C19orf12: variants seen among roughly 807,000 people sequenced by gnomAD.
C19orf12 encodes chromosome 19 open reading frame 12, also known as protein C19orf12.
C19orf12 carries 2 observed loss-of-function variants against 3.8 expected under a neutral mutation model. The ratio of observed to expected loss-of-function variants is 0.53; its 90% CI spans 0.22 to 1.66. The LOEUF is 1.66. C19orf12 is among the 40% of genes most tolerant of loss of function. C19orf12 has a pLI of 0.20. For synonymous variants in C19orf12, 89 were observed against 84.6 expected (o/e 1.05, Z -0.28); for missense variants, 156 against 188.8 (o/e 0.83, Z 1.02).
intron 2 of C19orf12, among the ~76,000 whole-genome samples, chr19:29,706,205 T>G (rs1032383045): frequency 7.9e-5 from 12 of 152,188 alleles, no homozygotes; most frequent in African/African-American, 2.9e-4. Flanking sequence ...ATTTACAAGT[T>G]TTACTGAACT....
At position 29,700,508 on chromosome 19, in the gene C19orf12, T is replaced by C; in HGVS notation, c.*2204A>G. 2.2e-6 allele frequency: 1 copy of C among 454,154 alleles called. No homozygotes were observed. Among genetic ancestry groups the C allele is most frequent in the Non-Finnish European group, 4.4e-6 (1 of 226,788 alleles). 28.1% of individuals were successfully genotyped at this position (454,154 alleles called of 1,614,324 possible). A position where few individuals can be genotyped will look rare whatever the true frequency, so the allele number is the denominator to read the frequency against. On this transcript the variant is annotated 3_prime_UTR_variant, in exon 3 of 3. Coordinates refer to ENST00000323670, the MANE Select transcript of C19orf12 (RefSeq NM_031448.6). The stretch of plus-strand genomic sequence containing the variant: ...TCCATTTTTAGTTCCAGGGTCCGTA[T>C]GCAGGACTTATTTGCAGGAAGAGCA...
At chr19:29,705,033 G>C (rs1972298830) in intron 2 of C19orf12, among the ~76,000 whole-genome samples, 1 of 152,176 alleles carries the variant, frequency 6.6e-6, no homozygotes. Context: ...ACTTTCAACA[G>C]ACAGAGTATG....
rs1179720831 is a variant in C19orf12 at position 29,702,435 on chromosome 19, C to A, written c.*277G>T. On this transcript the variant is annotated 3_prime_UTR_variant, in exon 3 of 3. Coordinates refer to ENST00000323670, the MANE Select transcript of C19orf12 (RefSeq NM_031448.6). The stretch of plus-strand genomic sequence containing the variant: ...GAGGACTCAGCAGACGCCTCCGAAG[C>A]CTGCGGCAGGCAGGCCTTTACTCTT... 1 of 645,518 alleles carries A rather than the reference C, an allele frequency of 1.5e-6. No individual in the cohort carries two copies. Among genetic ancestry groups the A allele is most frequent in the South Asian group, 1.5e-5 (1 of 66,172 alleles). The allele number at this position is 645,518 out of a possible 1,614,324, so 40.0% of individuals were successfully genotyped here.
rs533445390 is a variant in C19orf12 at position 29,699,469 on chromosome 19, C to T, written c.*3243G>A. The T allele has an allele frequency of 9.5e-5, 39 of 409,124 alleles. No individual in the cohort carries two copies. The East Asian group carries it at 1.5e-3, about 16-fold the overall frequency. The allele number at this position is 409,124 out of a possible 1,614,324, so 25.3% of individuals were successfully genotyped here. On this transcript the variant is annotated 3_prime_UTR_variant, in exon 3 of 3. Transcript: ENST00000323670. ...CTGCACTCCAGCCCGGGCGACAGTGCGAGACTCCATCTCAAAAAAAAAAAA... is the reference window on the plus strand; with the variant it reads ...CTGCACTCCAGCCCGGGCGACAGTGTGAGACTCCATCTCAAAAAAAAAAAA...
chr19:29,702,664 A>T lies in C19orf12; in HGVS notation c.*48T>A. 6.2e-7 allele frequency: 1 copy of T among 1,611,264 alleles called. No individual in the cohort carries two copies. Among genetic ancestry groups the T allele is most frequent in the African/African-American group, 1.3e-5 (1 of 74,954 alleles). Reference sequence around the variant, plus strand: ...CCCAACTCCCAAGCCACCTCTTCAGAATCACAGAGTCATTTAAAGGGGCCC... The same window carrying T: ...CCCAACTCCCAAGCCACCTCTTCAGTATCACAGAGTCATTTAAAGGGGCCC... On this transcript the variant is annotated 3_prime_UTR_variant, in exon 3 of 3. Coordinates refer to ENST00000323670, the MANE Select transcript of C19orf12 (RefSeq NM_031448.6).
chr19:29,708,052 T>C (rs1972471719), intron 2 of C19orf12, among the ~76,000 whole-genome samples: 1 of 152,054 alleles, frequency 6.6e-6, no homozygotes, highest in Non-Finnish European at 1.5e-5. Context: ...CTATTTTTTG[T>C]ATTTTTAGTA....
At position 29,702,925 on chromosome 19, in the gene C19orf12, C is replaced by T; in HGVS notation, c.213G>A (p.Lys71=). The T allele has an allele frequency of 6.2e-7, 1 of 1,614,190 alleles. No individual in the cohort carries two copies. Among genetic ancestry groups the T allele is most frequent in the Non-Finnish European group, 8.5e-7 (1 of 1,180,022 alleles). The change falls in exon 3 of 3, where the codon AAG becomes AAA. Residue 71 remains lysine, a synonymous_variant. Coordinates refer to ENST00000323670, the MANE Select transcript of C19orf12 (RefSeq NM_031448.6). ...GCTCCATTAGGATCTGAGGAACCGG[C>T]TTAAACTGTCCACTTGTCATCCAGG... ...LGAWMTSGQF[K]PVPQILMELP...
chr19:29,702,142 G>A lies in C19orf12; in HGVS notation c.*570C>T. On this transcript the variant is annotated 3_prime_UTR_variant, in exon 3 of 3. Coordinates refer to ENST00000323670, the MANE Select transcript of C19orf12 (RefSeq NM_031448.6). ...GGGTCAAGTCCACTCGGTATTTGTG[G>A]CTTCACTCAGCAGGCCGCCCGTCCC... 2.2e-6 allele frequency: 1 copy of A among 453,312 alleles called. No individual in the cohort carries two copies. Among genetic ancestry groups the A allele is most frequent in the South Asian group, 1.6e-5 (1 of 64,432 alleles). The allele number at this position is 453,312 out of a possible 1,614,324, so 28.1% of individuals were successfully genotyped here.
intron 2 of C19orf12, among the ~76,000 whole-genome samples, chr19:29,707,826 G>A (rs1311574238): frequency 6.6e-6 from 1 of 150,870 alleles, no homozygotes; most frequent in Non-Finnish European, 1.5e-5. Flanking sequence ...GGCACCACTT[G>A]TACAAGTTCA....
intron 2 of C19orf12, chr19:29,705,525 T>TG (rs943308586): frequency 1.6e-3 from 419 of 259,212 alleles, no homozygotes; most frequent in East Asian, 9.1e-3. Flanking sequence ...TTTTTTTTTT[T>TG]CCTTAGACAG....
At chr19:29,709,115 C>G (rs1288129587) in intron 1 of C19orf12, among the ~76,000 whole-genome samples, 1 of 152,244 alleles carries the variant, frequency 6.6e-6, no homozygotes, top group Non-Finnish European at 1.5e-5. Flanking sequence ...AAAGTCAACA[C>G]AGTTGTACCC....
intron 2 of C19orf12, chr19:29,705,524 T>TC: frequency 3.8e-6 from 1 of 265,850 alleles, no homozygotes; most frequent in Non-Finnish European, 7.6e-6. Flanking sequence ...TTTTTTTTTT[T>TC]TCCTTAGACA....
chr19:29,715,726 C>G (rs1972921514), upstream of C19orf12: 1 of 157,608 alleles, frequency 6.3e-6, no homozygotes, highest in South Asian at 1.5e-4. Context: ...CAGATTTCCT[C>G]TGTTCCAGAG....
intron 2 of C19orf12, chr19:29,705,301 G>C: frequency 2.2e-6 from 1 of 445,016 alleles, no homozygotes; most frequent in Non-Finnish European, 4.5e-6. Flanking sequence ...AAACTATCAA[G>C]GCTGTGAACA....
chr19:29,708,611 T>C (rs898646566), intron 1 of C19orf12, 188 bp from the exon 2 acceptor site: 1 of 695,010 alleles, frequency 1.4e-6, no homozygotes, highest in Admixed American at 2.2e-5. Context: ...AGGCAGCAGT[T>C]AGTGAATAAG....
Position 29,703,069 on chromosome 19 carries a change from G to A in C19orf12, c.161-92C>T, listed in dbSNP as rs548664899. ...ACTGAGTGCACACCACCATCACCAT[G>A]AGCAGGCACATTCATGAGCGGGCTG... On this transcript the variant is annotated intron_variant, in intron 2 of 2. Coordinates refer to ENST00000323670, the MANE Select transcript of C19orf12 (RefSeq NM_031448.6). 1.8e-5 allele frequency: 28 copies of A among 1,554,950 alleles called. No homozygotes were observed. In the African/African-American group the frequency reaches 3.1e-4, roughly 17 times the overall value.
intron 1 of C19orf12, among the ~76,000 whole-genome samples, chr19:29,708,961 G>T (rs1972523090): frequency 6.6e-6 from 1 of 152,226 alleles, no homozygotes; most frequent in Admixed American, 6.5e-5. Context: ...AGTCCCTACA[G>T]GCTGGACTCT....
intron 2 of C19orf12, 48 bp from the exon 3 acceptor site, chr19:29,703,025 T>C: frequency 6.2e-7 from 1 of 1,612,758 alleles, no homozygotes; most frequent in Non-Finnish European, 8.5e-7. Context: ...TCATAAGCGA[T>C]GGCCTTACTT....
At chr19:29,709,240 G>A (rs1353963685) in intron 1 of C19orf12, among the ~76,000 whole-genome samples, 1 of 152,228 alleles carries the variant, frequency 6.6e-6, no homozygotes, top group African/African-American at 2.4e-5. Flanking sequence ...ACGGACGGGC[G>A]AGTAGACCTT....
Sources: allele counts gnomAD v4.1 joint callset (sites outside exome capture counted in the v4.1 genomes callset), GRCh38; gene constraint gnomAD v4.1.1; transcripts MANE v1.5; gene names NCBI Gene and HGNC (gene_info 2026-07-23, HGNC 2026-07-21).